NEK1: variants seen among roughly 807,000 people sequenced by gnomAD.
NEK1 encodes serine/threonine-protein kinase Nek1.
Under a neutral mutation model 182.1 loss-of-function variants are expected in NEK1, and 137 were observed. That is an observed-to-expected ratio of 0.75 (90% CI 0.65 to 0.87). The LOEUF is 0.87. NEK1 is among the 40% of genes least tolerant of loss of function. The pLI, the probability that NEK1 is intolerant of heterozygous loss-of-function variation, is 0.00. For synonymous variants in NEK1, 513 were observed against 492.2 expected, an observed-to-expected ratio of 1.04 and a Z score of -0.56; for missense variants, 1,391 against 1,494.4, an observed-to-expected ratio of 0.93 and a Z score of 1.14.
chr4:169,533,990 T>C (rs1294793109), intron 19 of NEK1, among the ~76,000 whole-genome samples: 5 of 152,146 alleles, frequency 3.3e-5, no homozygotes, highest in African/African-American at 1.2e-4. Flanking sequence ...CTAAGAGTTA[T>C]GAGAAAGGAA....
chr4:169,403,640 G>A (rs1028834005), intron 32 of NEK1, among the ~76,000 whole-genome samples: 5 of 152,224 alleles, frequency 3.3e-5, no homozygotes, highest in African/African-American at 1.2e-4. Context: ...TTACTACAAT[G>A]AGTAAATATT....
chr4:169,509,448 TA>T (rs1169395935), intron 19 of NEK1, among the ~76,000 whole-genome samples: 1 of 151,870 alleles, frequency 6.6e-6, no homozygotes, highest in Non-Finnish European at 1.5e-5. Flanking sequence ...CTTACTCCCT[TA>T]AAAAAAACTC....
intron 18 of NEK1, among the ~76,000 whole-genome samples, chr4:169,544,710 G>T (rs1760083114): frequency 6.7e-6 from 1 of 149,492 alleles, no homozygotes; most frequent in Admixed American, 6.7e-5. Context: ...GTTTAGTCTT[G>T]GGAGGGTGTA....
intron 23 of NEK1, among the ~76,000 whole-genome samples, chr4:169,491,940 A>G (rs988273476): frequency 2.0e-5 from 3 of 152,236 alleles, no homozygotes; most frequent in Admixed American, 2.0e-4. Context: ...ATAGTCTATT[A>G]TTACTATAAG....
intron 19 of NEK1, among the ~76,000 whole-genome samples, chr4:169,534,126 T>C (rs1758087990): frequency 6.6e-6 from 1 of 152,256 alleles, no homozygotes; most frequent in African/African-American, 2.4e-5. Flanking sequence ...TTATATTTCC[T>C]TATCCAGCCA....
chr4:169,464,348 C>T (rs1041808197), intron 26 of NEK1, among the ~76,000 whole-genome samples: 1 of 152,122 alleles, frequency 6.6e-6, no homozygotes, highest in African/African-American at 2.4e-5. Context: ...TGCTGTCTTT[C>T]ATTTTATGGG....
intron 4 of NEK1, among the ~76,000 whole-genome samples, chr4:169,600,972 T>A (rs1176314498): frequency 6.6e-6 from 1 of 152,142 alleles, no homozygotes; most frequent in Non-Finnish European, 1.5e-5. Context: ...AATATTAAAA[T>A]TTTGTTAACA....
At position 169,463,408 on chromosome 4, in the gene NEK1, TA is replaced by T; in HGVS notation, c.2435-14del. 2 of 1,577,844 alleles carry T rather than the reference TA, an allele frequency of 1.3e-6. No individual in the cohort carries two copies. The highest frequency in any genetic ancestry group is 1.7e-6 in the Non-Finnish European group (2 of 1,158,570). ...CCCACTGTATGTCCTATAAGAAAAA[TA>T]TACAAAGAAACAATTTTCAATAACA... On this transcript the variant is annotated splice_polypyrimidine_tract_variant and intron_variant, in intron 26 of 35. Coordinates refer to ENST00000507142, the MANE Select transcript of NEK1 (RefSeq NM_001199397.3).
chr4:169,446,580 A>G (rs1256528753), intron 27 of NEK1, among the ~76,000 whole-genome samples: 2 of 152,172 alleles, frequency 1.3e-5, no homozygotes, highest in Non-Finnish European at 2.9e-5. Flanking sequence ...CCAGACACCA[A>G]TCCCAGAAAG....
At position 169,556,009 on chromosome 4, in the gene NEK1, G is replaced by C. The variant is rs1200141610; in HGVS notation, c.1353C>G (p.Asp451Glu). 1 of 1,613,590 alleles carries C rather than the reference G, an allele frequency of 6.2e-7. No individual in the cohort carries two copies. ...CTTCTGCTCTTTGTTGCTGCATTTGGTCAAAAATGGCATGGTAATGTTCAT... is the reference window on the plus strand; with the variant it reads ...CTTCTGCTCTTTGTTGCTGCATTTGCTCAAAAATGGCATGGTAATGTTCAT... ...GQYEHYHAIFDQMQQQRAEDN... is the reference protein window; with the variant it reads ...GQYEHYHAIFEQMQQQRAEDN... The change falls in exon 17 of 36, where the codon GAC (aspartate) becomes GAG (glutamate). Residue 451 changes from aspartate to glutamate, a missense_variant. This residue lies in a region of NEK1 where 1,216 missense variants were observed against 1,277.6 expected (regional missense o/e 0.95). Coordinates refer to ENST00000507142, the MANE Select transcript of NEK1 (RefSeq NM_001199397.3).
intron 23 of NEK1, among the ~76,000 whole-genome samples, chr4:169,490,590 CATGAT>C (rs1166857262): frequency 3.3e-5 from 5 of 151,744 alleles, no homozygotes; most frequent in Admixed American, 3.3e-4. Context: ...CAAAATAATC[CATGAT>C]ATGAATCACA....
intron 18 of NEK1, among the ~76,000 whole-genome samples, chr4:169,543,005 G>T (rs1285510006): frequency 1.3e-5 from 2 of 152,086 alleles, no homozygotes; most frequent in Non-Finnish European, 2.9e-5. Context: ...GATCCCATTT[G>T]TCAATTTTAT....
intron 12 of NEK1, among the ~76,000 whole-genome samples, chr4:169,569,916 C>T (rs1242698006): frequency 1.3e-5 from 2 of 152,304 alleles, no homozygotes; most frequent in African/African-American, 2.4e-5. Context: ...GCCGCCACCC[C>T]GTCTGGGAAG....
intron 5 of NEK1, among the ~76,000 whole-genome samples, chr4:169,596,544 A>C (rs1769524889): frequency 6.6e-6 from 1 of 152,198 alleles, no homozygotes. Flanking sequence ...TCTATTAATA[A>C]AGTCATAGAC....
rs79084027 is a variant in NEK1 at position 169,533,210 on chromosome 4, C to A, written c.1665+4599G>T. The stretch of plus-strand genomic sequence containing the variant: ...TAAAGAGATTATCTGGTGGGACTGA[C>A]CTAATCACCTGAGCCTTTTAAAATC... On this transcript the variant is annotated intron_variant, in intron 19 of 35. Coordinates refer to ENST00000507142, the MANE Select transcript of NEK1 (RefSeq NM_001199397.3). Among the ~76,000 whole-genome samples the A allele has an allele frequency of 2.1e-3, 327 of 152,278 alleles. 1 individual carries two copies. The highest frequency in any genetic ancestry group is 7.0e-3 in the African/African-American group (289 of 41,548).
intron 16 of NEK1, 71 bp from the exon 17 acceptor site, chr4:169,556,166 G>A: frequency 2.2e-6 from 3 of 1,372,030 alleles, no homozygotes; most frequent in East Asian, 2.5e-5. Flanking sequence ...AGTCTCAAAA[G>A]AAAAAGTAAA....
intron 27 of NEK1, among the ~76,000 whole-genome samples, chr4:169,462,064 C>A (rs574337961): frequency 1.3e-5 from 2 of 151,972 alleles, no homozygotes; most frequent in Non-Finnish European, 2.9e-5. Context: ...ATTAATAAAA[C>A]GACATCAAGG....
intron 18 of NEK1, among the ~76,000 whole-genome samples, chr4:169,540,388 G>T (rs1759210047): frequency 6.6e-6 from 1 of 152,028 alleles, no homozygotes; most frequent in Non-Finnish European, 1.5e-5. Context: ...TAAAATCTGT[G>T]TCCTTATTTT....
intron 27 of NEK1, among the ~76,000 whole-genome samples, chr4:169,442,539 G>C (rs1739678706): frequency 6.6e-6 from 1 of 152,144 alleles, no homozygotes; most frequent in Non-Finnish European, 1.5e-5. Context: ...AACATGAAAA[G>C]TAAGGAAACA....
Sources: gnomAD v4.1 joint callset for allele counts (sites outside exome capture counted in the v4.1 genomes callset) on GRCh38, gnomAD v4.1.1 for gene constraint, gnomAD v4.1.1 regional missense constraint, MANE v1.5 for transcripts, NCBI Gene and HGNC (gene_info 2026-07-23, HGNC 2026-07-21) for gene names.